CYP7B1: variants seen among roughly 807,000 people sequenced by gnomAD.
The protein encoded by CYP7B1 is cytochrome P450 7B1.
In CYP7B1, 29 loss-of-function variants were observed where a neutral mutation model predicts 42.7. The ratio of observed to expected loss-of-function variants is 0.68; its 90% CI spans 0.51 to 0.93. CYP7B1 has a LOEUF of 0.93. CYP7B1 is among the 40% of genes least tolerant of loss of function. The probability of loss-of-function intolerance (pLI) is 0.00; values close to 1 mark genes in which losing one functional copy is unlikely to be tolerated. For missense variants in CYP7B1, 655 were observed against 600.5 expected (o/e 1.09, Z -0.95); for synonymous variants, 235 against 218.2 (o/e 1.08, Z -0.68).
At chr8:64,637,677 G>C (rs180887804) in intron 1 of CYP7B1, among the ~76,000 whole-genome samples, 2 of 152,112 alleles carry the variant, frequency 1.3e-5, no homozygotes, top group Admixed American at 6.6e-5. Flanking sequence ...CTTAATTCTT[G>C]CAGTGTCCTT....
chr8:64,786,422 A>G (rs1436706033), intron 1 of CYP7B1, among the ~76,000 whole-genome samples: 1 of 152,228 alleles, frequency 6.6e-6, no homozygotes, highest in South Asian at 2.1e-4. Context: ...CAAAGGAGCT[A>G]TGGGCCCCAT....
intron 1 of CYP7B1, among the ~76,000 whole-genome samples, chr8:64,791,823 G>A (rs1804623194): frequency 6.6e-6 from 1 of 152,226 alleles, no homozygotes; most frequent in African/African-American, 2.4e-5. Context: ...TGGCTTTGGA[G>A]TTGGGTAATG....
chr8:64,724,700 T>C (rs1040633177), intron 1 of CYP7B1, among the ~76,000 whole-genome samples: 1 of 152,180 alleles, frequency 6.6e-6, no homozygotes, highest in Non-Finnish European at 1.5e-5. Context: ...CTCCAAAGTA[T>C]GATGCTTTGG....
At chr8:64,716,946 T>A (rs1330543992) in intron 1 of CYP7B1, among the ~76,000 whole-genome samples, 2 of 152,228 alleles carry the variant, frequency 1.3e-5, no homozygotes, top group Non-Finnish European at 2.9e-5. Flanking sequence ...TAGGTTTGTC[T>A]ATTTTTCTAT....
At chr8:64,786,433 G>A (rs1226388659) in intron 1 of CYP7B1, among the ~76,000 whole-genome samples, 1 of 152,194 alleles carries the variant, frequency 6.6e-6, no homozygotes, top group African/African-American at 2.4e-5. Context: ...TGGGCCCCAT[G>A]CAAGTCCAAA....
intron 1 of CYP7B1, among the ~76,000 whole-genome samples, chr8:64,725,733 T>C (rs1054124102): frequency 1.3e-5 from 2 of 152,176 alleles, no homozygotes; most frequent in African/African-American, 4.8e-5. Context: ...TTCTTAGATA[T>C]CTTTTGGTGA....
intron 1 of CYP7B1, among the ~76,000 whole-genome samples, chr8:64,778,223 A>G (rs915231458): frequency 3.4e-5 from 5 of 148,066 alleles, no homozygotes; most frequent in African/African-American, 1.0e-4. Flanking sequence ...ATATTTATAC[A>G]TGTGTGTGTA....
At chr8:64,760,541 G>T (rs1251399309) in intron 1 of CYP7B1, among the ~76,000 whole-genome samples, 1 of 152,074 alleles carries the variant, frequency 6.6e-6, no homozygotes, top group African/African-American at 2.4e-5. Context: ...ATTGGGCAAA[G>T]GACTTTAACA....
intron 4 of CYP7B1, among the ~76,000 whole-genome samples, chr8:64,612,419 G>A (rs1805376519): frequency 6.6e-6 from 1 of 151,984 alleles, no homozygotes; most frequent in South Asian, 2.1e-4. Context: ...ATCTTAACAA[G>A]ATACGTAAAT....
intron 2 of CYP7B1, among the ~76,000 whole-genome samples, chr8:64,623,345 C>A (rs571379108): frequency 2.2e-4 from 34 of 152,164 alleles, no homozygotes; most frequent in Non-Finnish European, 4.7e-4. Context: ...TCCCTTGAGA[C>A]ACTAACTGCC....
chr8:64,728,996 A>T (rs1807368639), intron 1 of CYP7B1: 1 of 152,100 alleles, frequency 6.6e-6, no homozygotes, highest in Non-Finnish European at 1.5e-5. Flanking sequence ...CCATCTCTAT[A>T]AAAAAATAGA....
intron 1 of CYP7B1, among the ~76,000 whole-genome samples, chr8:64,791,907 G>A (rs1042971302): frequency 2.6e-5 from 4 of 152,204 alleles, no homozygotes; most frequent in African/African-American, 9.7e-5. Context: ...TAGAAATCTG[G>A]ACGTCAACAA....
At chr8:64,714,035 C>A (rs762524180) in intron 1 of CYP7B1, among the ~76,000 whole-genome samples, 5 of 152,150 alleles carry the variant, frequency 3.3e-5, no homozygotes, top group Non-Finnish European at 7.4e-5. Context: ...TAGATCAGGG[C>A]ACTGACTCCC....
intron 1 of CYP7B1, among the ~76,000 whole-genome samples, chr8:64,691,679 C>G (rs918642972): frequency 2.6e-5 from 4 of 152,182 alleles, no homozygotes; most frequent in African/African-American, 9.7e-5. Flanking sequence ...GAGGAACTCA[C>G]AAGTCCACCA....
chr8:64,716,992 TTC>T (rs1356489856), intron 1 of CYP7B1, among the ~76,000 whole-genome samples: 2 of 152,220 alleles, frequency 1.3e-5, no homozygotes, highest in African/African-American at 4.8e-5. Flanking sequence ...TATTTTAAAG[TTC>T]TATCATAAAG....
At chr8:64,720,223 C>T (rs1807216809) in intron 1 of CYP7B1, among the ~76,000 whole-genome samples, 1 of 151,850 alleles carries the variant, frequency 6.6e-6, no homozygotes, top group South Asian at 2.1e-4. Flanking sequence ...GAATGCAAAG[C>T]TGAATTAAAA....
At chr8:64,659,276 TAA>T (rs1422935818) in intron 1 of CYP7B1, among the ~76,000 whole-genome samples, 2 of 152,190 alleles carry the variant, frequency 1.3e-5, no homozygotes, top group Non-Finnish European at 2.9e-5. Context: ...TCTATGCATA[TAA>T]GTGTTTTAAT....
chr8:64,785,270 G>A (rs778871215), intron 1 of CYP7B1, among the ~76,000 whole-genome samples: 15 of 152,266 alleles, frequency 9.9e-5, no homozygotes, highest in Non-Finnish European at 2.2e-4. Flanking sequence ...CTGCAAAATG[G>A]TACAGTCATT....
At chr8:64,684,412 A>T (rs983839963) in intron 1 of CYP7B1, among the ~76,000 whole-genome samples, 6 of 152,244 alleles carry the variant, frequency 3.9e-5, no homozygotes, top group Non-Finnish European at 8.8e-5. Context: ...AAATGAATTG[A>T]TATTTTTAAA....
Sources: gnomAD v4.1 joint callset for allele counts (sites outside exome capture counted in the v4.1 genomes callset) on GRCh38, gnomAD v4.1.1 for gene constraint, MANE v1.5 for transcripts, NCBI Gene and HGNC (gene_info 2026-07-23, HGNC 2026-07-21) for gene names.